NELFB: variants seen among roughly 807,000 people sequenced by gnomAD.
The protein encoded by NELFB is negative elongation factor complex member B.
Under a neutral mutation model 60.2 loss-of-function variants are expected in NELFB, and 34 were observed. The ratio of observed to expected loss-of-function variants is 0.56; its 90% confidence interval spans 0.43 to 0.75. The LOEUF is 0.75. Ranked by LOEUF, NELFB falls within the 30% of genes least tolerant of loss-of-function variation. The pLI, the probability that NELFB is intolerant of heterozygous loss-of-function variation, is 0.00. For synonymous variants in NELFB, 459 were observed against 382.1 expected (o/e 1.20, Z -2.35); for missense variants, 770 against 831.6 (o/e 0.93, Z 0.91).
chr9:137,257,210 G>A (rs954736674), intron 4 of NELFB, among the ~76,000 whole-genome samples, 156 bp downstream of exon 4: 6 of 152,260 alleles, frequency 3.9e-5, no homozygotes, highest in Non-Finnish European at 5.9e-5. Context: ...TTGTACACAT[G>A]CTGGAAAGAA....
intron 4 of NELFB, among the ~76,000 whole-genome samples, chr9:137,258,951 C>G (rs1196422084): frequency 6.6e-6 from 1 of 152,142 alleles, no homozygotes; most frequent in African/African-American, 2.4e-5. Flanking sequence ...CGCCTGTACT[C>G]CTAGTACTTT....
Position 137,264,289 on chromosome 9 carries a change from C to T in NELFB, c.972C>T (p.Asp324=). 1 of 1,605,418 alleles carries T rather than the reference C, an allele frequency of 6.2e-7. No individual in the cohort carries two copies. The highest frequency in any genetic ancestry group is 8.5e-7 in the Non-Finnish European group (1 of 1,177,044). Residue 324 remains aspartate (D), a synonymous_variant, in exon 6 of 13, where the codon GAC becomes GAT. Coordinates refer to ENST00000343053, the MANE Select transcript of NELFB (RefSeq NM_015456.5). ...CCTGCATCCGAGAGCGGTTCGTGGA[C>T]AGCAAGAGGGCGCGGGAGCTGCAGG...
chr9:137,268,612 C>T (rs1830547449), intron 10 of NELFB, among the ~76,000 whole-genome samples: 2 of 152,144 alleles, frequency 1.3e-5, no homozygotes, highest in African/African-American at 2.4e-5. Context: ...GGGACTTCTC[C>T]CAGTTCTGCG....
rs1830556637 is a variant in NELFB at position 137,269,438 on chromosome 9, A to G, written c.1489+2092A>G. 1.3e-5 allele frequency among the ~76,000 whole-genome samples: 2 copies of G among 152,210 alleles called. No individual in the cohort carries two copies. ...TGTTTATTTTTTGAGACTTCCGGGA[A>G]CATAGTTATAAATAACTTTAATTTG... On this transcript the variant is annotated intron_variant, in intron 10 of 12. Coordinates refer to ENST00000343053, the MANE Select transcript of NELFB (RefSeq NM_015456.5). This position sits in a 1 kb window ranked among gnomAD's most constrained non-coding sequence, Gnocchi z 5.3.
At position 137,255,531 on chromosome 9, in the gene NELFB, C is replaced by G. The variant is rs751199805; in HGVS notation, c.166C>G (p.Leu56Val). 6.5e-6 allele frequency: 10 copies of G among 1,547,186 alleles called. No homozygotes were observed. The East Asian group carries it at 2.2e-4, about 34-fold the overall frequency. ...GGCCATGTTCGCGGGGCTGCAGGACCTGGGCGTGGCCAACGGCGAGGACCT... is the reference window on the plus strand; with the variant it reads ...GGCCATGTTCGCGGGGCTGCAGGACGTGGGCGTGGCCAACGGCGAGGACCT... Residue 56 changes from leucine to valine, a missense_variant, in exon 1 of 13, where the codon CTG (leucine) becomes GTG (valine). Physicochemically the swap from Leu to Val is conservative, Grantham distance 32 (BLOSUM62 1). Coordinates refer to ENST00000343053, the MANE Select transcript of NELFB (RefSeq NM_015456.5).
intron 3 of NELFB, 59 bp downstream of exon 3, chr9:137,256,487 GTTAGTGGAAGT>G (rs1837553919): frequency 5.4e-6 from 8 of 1,485,914 alleles, no homozygotes; most frequent in Non-Finnish European, 7.5e-6. Flanking sequence ...CATGCCCTTG[GTTAGTGGAAGT>G]TCCGGTGGCC....
rs780787107 is a variant in NELFB, at chr9:137,267,236, G to A, written c.1383-4G>A. 35 of 1,610,822 alleles carry A rather than the reference G, an allele frequency of 2.2e-5. No individual in the cohort carries two copies. The highest frequency in any genetic ancestry group is 3.3e-5 in the South Asian group (3 of 90,948). On this transcript the variant is annotated splice_region_variant and splice_polypyrimidine_tract_variant and intron_variant, in intron 9 of 12. Coordinates refer to ENST00000343053, the MANE Select transcript of NELFB (RefSeq NM_015456.5). Reference sequence around the variant, plus strand: ...AGGTGGGGCTGATGGCGCCCCGGGCGCAGGTTTCTGCAGGAGCAGCGCATG... The same window carrying A: ...AGGTGGGGCTGATGGCGCCCCGGGCACAGGTTTCTGCAGGAGCAGCGCATG...
chr9:137,262,227 A>T (rs1483183517), intron 4 of NELFB, among the ~76,000 whole-genome samples: 1 of 152,052 alleles, frequency 6.6e-6, no homozygotes, highest in Non-Finnish European at 1.5e-5. Context: ...GGAGGAGCAG[A>T]GTTTTCTCTA....
At chr9:137,272,398 A>G in intron 11 of NELFB, 109 bp from the exon 12 acceptor site, 8 of 1,445,262 alleles carry the variant, frequency 5.5e-6, no homozygotes, top group Non-Finnish European at 6.5e-6. Flanking sequence ...GAGGGTCCCA[A>G]AGGCTGGCCA....
chr9:137,258,984 G>C (rs897702290), intron 4 of NELFB, among the ~76,000 whole-genome samples: 1 of 152,068 alleles, frequency 6.6e-6, no homozygotes, highest in Non-Finnish European at 1.5e-5. Flanking sequence ...TGGGAGGATC[G>C]CTTGAGCTTA....
In NELFB at chr9:137,266,397, G is replaced by A. The variant is rs1316340837; in HGVS notation, c.1210G>A (p.Asp404Asn). 1.9e-6 allele frequency: 3 copies of A among 1,612,832 alleles called. No homozygotes were observed. Among genetic ancestry groups the A allele is most frequent in the South Asian group, 1.1e-5 (1 of 91,086 alleles). The change falls in exon 8 of 13, where the codon GAC (aspartate) becomes AAC (asparagine). Residue 404 changes from aspartate to asparagine, a missense_variant. Asp to Asn is a conservative substitution (Grantham distance 23). Transcript: ENST00000343053. Reference sequence around the variant, plus strand: ...GGGCCAGGGAGCCTGGGACATGATCGACAGCCAGGTCTTCAAGGAGCCCAA... The same window carrying A: ...GGGCCAGGGAGCCTGGGACATGATCAACAGCCAGGTCTTCAAGGAGCCCAA...
chr9:137,268,452 G>C (rs1830545338), intron 10 of NELFB, among the ~76,000 whole-genome samples: 1 of 152,212 alleles, frequency 6.6e-6, no homozygotes, highest in African/African-American at 2.4e-5. Context: ...TGGGCATGGT[G>C]GTGGGTGCCT....
In NELFB at chr9:137,272,229, C is replaced by T. The variant is rs759470580; in HGVS notation, c.1631+7C>T. 1.6e-5 allele frequency: 26 copies of T among 1,613,812 alleles called. No individual in the cohort carries two copies. In the East Asian group the frequency reaches 4.7e-4, roughly 29 times the overall value. On this transcript the variant is annotated splice_region_variant and intron_variant, in intron 11 of 12. Coordinates refer to ENST00000343053, the MANE Select transcript of NELFB (RefSeq NM_015456.5). The stretch of plus-strand genomic sequence containing the variant: ...TCCTCACCGCCTCTCCAAGGTAGGC[C>T]TGCTGGGTACCATCCGGCCCGCTCT...
Position 137,272,836 on chromosome 9 carries a change from C to T in NELFB, c.1795C>T (p.Leu599=), listed in dbSNP as rs1830600351. 1.3e-6 allele frequency: 2 copies of T among 1,549,910 alleles called. No individual in the cohort carries two copies. The highest frequency in any genetic ancestry group is 2.0e-5 in the Admixed American group (1 of 50,980). ...CCAGCTCGGCGAGAAGCTGGAACAG[C>T]TGGATCACCGGAAGCCCAGCCCGGC... Residue 599 remains leucine, a synonymous_variant, in exon 13 of 13, where the codon CTG becomes TTG. Coordinates refer to ENST00000343053, the MANE Select transcript of NELFB (RefSeq NM_015456.5).
At chr9:137,266,850 G>C in intron 8 of NELFB, 94 bp from the exon 9 acceptor site, 1 of 1,469,230 alleles carries the variant, frequency 6.8e-7, no homozygotes, top group Non-Finnish European at 9.3e-7. Context: ...GTATCTGGGG[G>C]AGTGGGAGGG....
intron 8 of NELFB, 73 bp from the exon 9 acceptor site, chr9:137,266,871 G>A (rs1449050592): frequency 1.3e-6 from 2 of 1,570,990 alleles, no homozygotes; most frequent in East Asian, 2.3e-5. Flanking sequence ...CCAGGGGCAG[G>A]GTGTGTGTCA....
chr9:137,261,007 C>G (rs1221240666), intron 4 of NELFB, among the ~76,000 whole-genome samples: 4 of 143,268 alleles, frequency 2.8e-5, no homozygotes, highest in African/African-American at 1.0e-4. Flanking sequence ...TGCAGTTAGC[C>G]AAGATTGCGC....
intron 4 of NELFB, 78 bp from the exon 5 acceptor site, chr9:137,262,959 G>A (rs1830467489): frequency 3.3e-6 from 5 of 1,506,618 alleles, no homozygotes; most frequent in East Asian, 2.3e-5. Flanking sequence ...AGAGGGCCGC[G>A]CTGTCGCCGG....
chr9:137,256,468 G>T (rs778113596), intron 3 of NELFB, 40 bp downstream of exon 3: 2 of 1,568,446 alleles, frequency 1.3e-6, no homozygotes, highest in Non-Finnish European at 1.8e-6. Context: ...TGGACCGTCC[G>T]CCCACTCTCA....
Sources: allele counts gnomAD v4.1 joint callset (sites outside exome capture counted in the v4.1 genomes callset), GRCh38; gene constraint gnomAD v4.1.1; non-coding constraint Gnocchi (gnomAD v3.1); transcripts MANE v1.5; gene names NCBI Gene and HGNC (gene_info 2026-07-23, HGNC 2026-07-21).